The following FAM193A variants were observed in gnomAD, a reference collection of about 807,000 sequenced individuals.
FAM193A encodes the protein family with sequence similarity 193 member A.
Under a neutral mutation model 126.5 loss-of-function variants are expected in FAM193A, and 22 were observed. That is an observed-to-expected ratio of 0.17 (90% CI 0.12 to 0.25). The LOEUF is 0.25. FAM193A is among the 10% of genes least tolerant of loss of function. The pLI, the probability that FAM193A is intolerant of heterozygous loss-of-function variation, is 1.00. For synonymous variants in FAM193A, 761 were observed against 646.8 expected, an observed-to-expected ratio of 1.18 and a Z score of -2.68; for missense variants, 1,675 against 1,672.8, an observed-to-expected ratio of 1.00 and a Z score of -0.02.
intron 1 of FAM193A, among the ~76,000 whole-genome samples, chr4:2,559,917 T>A (rs1434364659): frequency 1.3e-5 from 2 of 152,142 alleles, no homozygotes; most frequent in Non-Finnish European, 2.9e-5. Context: ...GCCGGGTTTT[T>A]CTTGCCTCTG....
At chr4:2,633,600 T>C (rs1300447703) in intron 5 of FAM193A, among the ~76,000 whole-genome samples, 1 of 151,136 alleles carries the variant, frequency 6.6e-6, no homozygotes, top group Non-Finnish European at 1.5e-5. Context: ...TACTAGATAA[T>C]AAAAAAATAA....
intron 2 of FAM193A, among the ~76,000 whole-genome samples, chr4:2,616,579 A>G (rs1309841877): frequency 6.6e-6 from 1 of 150,804 alleles, no homozygotes; most frequent in Non-Finnish European, 1.5e-5. Flanking sequence ...TTTTTTTGAA[A>G]CAGGGTCTCA....
intron 1 of FAM193A, among the ~76,000 whole-genome samples, chr4:2,543,583 A>G (rs921976779): frequency 2.0e-5 from 3 of 152,014 alleles, no homozygotes; most frequent in African/African-American, 7.2e-5. Flanking sequence ...GGGACCGGGC[A>G]TAGTGGCTCA....
At chr4:2,641,278 G>A (rs976026990) in intron 6 of FAM193A, among the ~76,000 whole-genome samples, 10 of 151,568 alleles carry the variant, frequency 6.6e-5, no homozygotes, top group East Asian at 2.0e-4. Context: ...AACTCCTGAC[G>A]TCAAGTGATC....
chr4:2,684,887 G>T (rs573827583), intron 13 of FAM193A, among the ~76,000 whole-genome samples: 51 of 152,302 alleles, frequency 3.3e-4, no homozygotes, highest in Admixed American at 3.1e-3. Context: ...CCCAGACCAG[G>T]GGGGAAGAAC....
At chr4:2,572,226 G>A (rs1739333138) in intron 1 of FAM193A, among the ~76,000 whole-genome samples, 2 of 151,764 alleles carry the variant, frequency 1.3e-5, no homozygotes, top group Non-Finnish European at 2.9e-5. Flanking sequence ...CTATTGGGGA[G>A]GCTGGGGCAG....
intron 20 of FAM193A, among the ~76,000 whole-genome samples, chr4:2,718,617 C>T (rs1276112293): frequency 6.6e-6 from 1 of 152,128 alleles, no homozygotes; most frequent in Non-Finnish European, 1.5e-5. Context: ...GTCCCAGCTA[C>T]TCAGGAGGCT....
At position 2,582,850 on chromosome 4, in the gene FAM193A, C is replaced by A. The variant is rs117897663; in HGVS notation, c.256-13234C>A. Reference sequence around the variant, plus strand: ...CTTTGTTGTATTTCACAGGAGGTTTCTTTGCATATTCTTCTCCCAGTTGTA... The same window carrying A: ...CTTTGTTGTATTTCACAGGAGGTTTATTTGCATATTCTTCTCCCAGTTGTA... On this transcript the variant is annotated intron_variant, in intron 1 of 20. Transcript: ENST00000637812. 7.9e-5 allele frequency among the ~76,000 whole-genome samples: 12 copies of A among 152,172 alleles called. No individual in the cohort carries two copies. In the East Asian group the frequency reaches 2.3e-3, roughly 29 times the overall value.
At chr4:2,574,433 GGACAT>G (rs1457999444) in intron 1 of FAM193A, among the ~76,000 whole-genome samples, 1 of 152,122 alleles carries the variant, frequency 6.6e-6, no homozygotes, top group African/African-American at 2.4e-5. Flanking sequence ...ATTTGGCTTG[GGACAT>G]GTTGAGTTCA....
intron 15 of FAM193A, among the ~76,000 whole-genome samples, chr4:2,691,403 G>C (rs570141280): frequency 1.2e-4 from 18 of 152,152 alleles, no homozygotes; most frequent in Non-Finnish European, 1.9e-4. Flanking sequence ...TTTTGGTAGA[G>C]ACGGGGTTTC....
intron 2 of FAM193A, among the ~76,000 whole-genome samples, chr4:2,609,957 C>T (rs143512367): frequency 1.1e-4 from 16 of 149,112 alleles, no homozygotes; most frequent in African/African-American, 3.7e-4. Context: ...GCTGGCTGGG[C>T]GCAGTGGCTC....
At chr4:2,719,740 C>CAAA (rs369345535) in intron 20 of FAM193A, among the ~76,000 whole-genome samples, 12 of 102,422 alleles carry the variant, frequency 1.2e-4, no homozygotes, top group African/African-American at 4.8e-4. Context: ...GAGACACTCT[C>CAAA]AAAAAAAAAA....
intron 16 of FAM193A, among the ~76,000 whole-genome samples, chr4:2,694,098 A>C (rs896094428): frequency 2.6e-5 from 4 of 152,146 alleles, no homozygotes; most frequent in Non-Finnish European, 5.9e-5. Flanking sequence ...GCCGCCATGG[A>C]TAGGTGGGCC....
chr4:2,707,002 G>A (rs1718386488), intron 19 of FAM193A, among the ~76,000 whole-genome samples: 1 of 151,872 alleles, frequency 6.6e-6, no homozygotes. Context: ...AGCGCCTGTG[G>A]TCCCAGCTGC....
chr4:2,621,911 T>C (rs1365330014), intron 2 of FAM193A, among the ~76,000 whole-genome samples: 1 of 152,120 alleles, frequency 6.6e-6, no homozygotes, highest in Non-Finnish European at 1.5e-5. Flanking sequence ...CCAGCCACTT[T>C]TGGTATTGGA....
At chr4:2,553,659 G>C in intron 1 of FAM193A, among the ~76,000 whole-genome samples, 1 of 151,956 alleles carries the variant, frequency 6.6e-6, no homozygotes, top group East Asian at 1.9e-4. Context: ...GATTACAGGC[G>C]TGACTTCTCC....
intron 4 of FAM193A, among the ~76,000 whole-genome samples, chr4:2,628,373 C>T (rs962397240): frequency 1.3e-5 from 2 of 152,048 alleles, no homozygotes; most frequent in Non-Finnish European, 2.9e-5. Context: ...GGTTTCCAGC[C>T]AAGCGTGGTG....
At chr4:2,543,559 A>G (rs991464258) in intron 1 of FAM193A, among the ~76,000 whole-genome samples, 1 of 151,996 alleles carries the variant, frequency 6.6e-6, no homozygotes. Flanking sequence ...TTAAAATAAA[A>G]ATTAGCCACC....
At chr4:2,600,204 A>T (rs570437939) in intron 2 of FAM193A, among the ~76,000 whole-genome samples, 32 of 152,214 alleles carry the variant, frequency 2.1e-4, no homozygotes, top group Non-Finnish European at 4.0e-4. Context: ...GACCTGCCAT[A>T]GTTCTTTGAC....
Sources: allele counts gnomAD v4.1 joint callset (sites outside exome capture counted in the v4.1 genomes callset), GRCh38; gene constraint gnomAD v4.1.1; transcripts MANE v1.5; gene names NCBI Gene and HGNC (gene_info 2026-07-23, HGNC 2026-07-21).